The following PCDH15 variants were observed in gnomAD, a reference collection of about 807,000 sequenced individuals.
The protein encoded by PCDH15 is protocadherin related 15, also known as protocadherin-15.
Under a neutral mutation model 178.5 loss-of-function variants are expected in PCDH15, and 129 were observed. The ratio of observed to expected loss-of-function variants is 0.72; its 90% CI spans 0.63 to 0.84. The LOEUF (loss-of-function observed/expected upper bound fraction) is 0.84. Ranked by LOEUF, PCDH15 falls within the 40% of genes least tolerant of loss-of-function variation. PCDH15 has a pLI of 0.00. For synonymous variants in PCDH15, 800 were observed against 732.0 expected (o/e 1.09, Z -1.50); for missense variants, 2,230 against 2,099.9 (o/e 1.06, Z -1.21).
At chr10:55,524,947 A>G (rs1315594858) in intron 2 of PCDH15, among the ~76,000 whole-genome samples, 3 of 151,860 alleles carry the variant, frequency 2.0e-5, no homozygotes, top group Non-Finnish European at 2.9e-5. Context: ...TTTTAAGTTT[A>G]ATTACTGACT....
At chr10:54,136,179 A>G (rs1180193399) in intron 14 of PCDH15, among the ~76,000 whole-genome samples, 1 of 152,136 alleles carries the variant, frequency 6.6e-6, no homozygotes, top group Non-Finnish European at 1.5e-5. Flanking sequence ...ATGTTGTATC[A>G]TAATCTTTAG....
At position 54,580,152 on chromosome 10, in the gene PCDH15, T is replaced by A. The variant is rs1462326195; in HGVS notation, c.92-52275A>T. On this transcript the variant is annotated intron_variant, in intron 2 of 37. Coordinates refer to ENST00000644397, the MANE Select transcript of PCDH15 (RefSeq NM_001384140.1). ...AGAACTGAATGAAGTAGAGACCCAA[T>A]AATCCATACAAAAGATCAACAAGAC... Among the ~76,000 whole-genome samples the A allele has an allele frequency of 4.0e-5, 6 of 151,852 alleles. No homozygotes were observed. In the South Asian group the frequency reaches 1.2e-3, roughly 32 times the overall value.
At chr10:55,315,597 C>G (rs1843704552) in intron 1 of PCDH15, among the ~76,000 whole-genome samples, 1 of 152,154 alleles carries the variant, frequency 6.6e-6, no homozygotes, top group Non-Finnish European at 1.5e-5. Context: ...ATCACCATCC[C>G]CACATTTACA....
At chr10:54,664,791 T>C (rs978106522) in intron 1 of PCDH15, among the ~76,000 whole-genome samples, 3 of 151,996 alleles carry the variant, frequency 2.0e-5, no homozygotes, top group African/African-American at 7.2e-5. Flanking sequence ...AGAGATTGAC[T>C]TAACTATGCC....
intron 8 of PCDH15, among the ~76,000 whole-genome samples, chr10:54,305,075 A>G (rs986265602): frequency 1.3e-5 from 2 of 152,060 alleles, no homozygotes; most frequent in African/African-American, 4.8e-5. Flanking sequence ...GAACAATCTT[A>G]CAGCTATTTT....
In PCDH15 at chr10:54,731,541, G is replaced by GAGATATATATATATATATATATATATAT. The variant is rs1401452530; in HGVS notation, c.-28-67252_-28-67251insATATATATATATATATATATATATATCT. 2.9e-5 allele frequency among the ~76,000 whole-genome samples: 2 copies of GAGATATATATATATATATATATATATAT among 68,318 alleles called. 1 individual carries two copies. Among genetic ancestry groups the GAGATATATATATATATATATATATATAT allele is most frequent in the Non-Finnish European group, 5.8e-5 (2 of 34,442 alleles). 44.8% of individuals were successfully genotyped at this position (68,318 alleles called of 152,430 possible). On this transcript the variant is annotated intron_variant, in intron 1 of 37. Transcript: ENST00000644397. ...CCATCAATGAATAAAGAAAATGTGA[G>GAGATATATATATATATATATATATATAT]ATAGATATATATATATATATATACA...
chr10:54,055,656 C>T (rs1052709855), intron 18 of PCDH15, among the ~76,000 whole-genome samples: 4 of 152,160 alleles, frequency 2.6e-5, no homozygotes, highest in African/African-American at 9.7e-5. Context: ...GCCTTCCTAC[C>T]TCCACTTCCC....
intron 2 of PCDH15, among the ~76,000 whole-genome samples, chr10:55,464,208 G>C: frequency 1.3e-5 from 2 of 152,154 alleles, no homozygotes; most frequent in South Asian, 4.2e-4. Context: ...GTGTACTAGG[G>C]ACATAACTCA....
chr10:54,274,676 CACTGTTAATAACCCTAGAATGACTG>C (rs200282651), intron 8 of PCDH15, among the ~76,000 whole-genome samples: 2,843 of 150,878 alleles, frequency 0.019, 78 homozygotes, highest in African/African-American at 0.053. Flanking sequence ...ACCCTAAGCA[CACTGTTAATAACCCTAGAATGACTG>C]ACGTGTTCGT....
At chr10:55,287,606 T>A (rs1343578784) in intron 1 of PCDH15, among the ~76,000 whole-genome samples, 1 of 151,912 alleles carries the variant, frequency 6.6e-6, no homozygotes, top group Non-Finnish European at 1.5e-5. Flanking sequence ...CTATGCTAGA[T>A]GCTGCTCTCT....
At chr10:53,962,622 C>T (rs1043090701) in intron 21 of PCDH15, among the ~76,000 whole-genome samples, 2 of 152,140 alleles carry the variant, frequency 1.3e-5, no homozygotes, top group African/African-American at 4.8e-5. Context: ...TATGTGTACT[C>T]TGTTACCCAT....
At position 54,153,088 on chromosome 10, in the gene PCDH15, A is replaced by C; in HGVS notation, c.1784+12T>G. The C allele has an allele frequency of 6.2e-7, 1 of 1,613,556 alleles. No homozygotes were observed. The highest frequency in any genetic ancestry group is 8.5e-7 in the Non-Finnish European group (1 of 1,179,688). Reference sequence around the variant, plus strand: ...CCGATGAAAAGACTGCATTGGTTCTAATATAAATTACCTTCGCTCTGCAGG... The same window carrying C: ...CCGATGAAAAGACTGCATTGGTTCTCATATAAATTACCTTCGCTCTGCAGG... On this transcript the variant is annotated intron_variant, in intron 14 of 37. Transcript: ENST00000644397.
At chr10:54,169,871 G>T (rs1195888067) in intron 13 of PCDH15, among the ~76,000 whole-genome samples, 1 of 151,548 alleles carries the variant, frequency 6.6e-6, no homozygotes, top group African/African-American at 2.4e-5. Context: ...AACCAGATAA[G>T]CCTTACAAGT....
At chr10:54,208,350 C>T (rs2051046820) in intron 10 of PCDH15, among the ~76,000 whole-genome samples, 1 of 151,924 alleles carries the variant, frequency 6.6e-6, no homozygotes. Context: ...GTGTGGTGTG[C>T]AATGGACTTA....
chr10:55,052,026 A>G (rs2131988676), intron 2 of PCDH15, among the ~76,000 whole-genome samples: 1 of 152,262 alleles, frequency 6.6e-6, no homozygotes, highest in South Asian at 2.1e-4. Context: ...GAATTTGTAA[A>G]AAATAAAAAT....
At chr10:54,426,573 T>C (rs1956290708) in intron 3 of PCDH15, among the ~76,000 whole-genome samples, 1 of 152,220 alleles carries the variant, frequency 6.6e-6, no homozygotes, top group Non-Finnish European at 1.5e-5. Flanking sequence ...ACCCCTGTTT[T>C]ACACTATAAC....
intron 2 of PCDH15, among the ~76,000 whole-genome samples, chr10:55,463,062 T>C (rs1277000324): frequency 2.0e-5 from 3 of 150,284 alleles, no homozygotes; most frequent in Admixed American, 6.6e-5. Flanking sequence ...GTGATTGCAA[T>C]TGAAAATAAA....
intron 1 of PCDH15, among the ~76,000 whole-genome samples, chr10:54,665,099 A>G (rs1190613844): frequency 6.6e-6 from 1 of 151,834 alleles, no homozygotes; most frequent in African/African-American, 2.4e-5. Context: ...CTGTTTCTCT[A>G]ATTCAGAGGT....
chr10:55,038,186 CA>C (rs1840782183), intron 2 of PCDH15, among the ~76,000 whole-genome samples: 1 of 151,808 alleles, frequency 6.6e-6, no homozygotes, highest in African/African-American at 2.4e-5. Context: ...TTCAAAAGAG[CA>C]AAAAAATAAC....
Sources: allele counts gnomAD v4.1 joint callset (sites outside exome capture counted in the v4.1 genomes callset), GRCh38; gene constraint gnomAD v4.1.1; transcripts MANE v1.5; gene names NCBI Gene and HGNC (gene_info 2026-07-23, HGNC 2026-07-21).